The following CTNNA2 variants were observed in gnomAD, a reference collection of about 807,000 sequenced individuals.
CTNNA2 encodes catenin alpha 2, also known as catenin alpha-2.
CTNNA2 carries 42 observed loss-of-function variants against 101.0 expected under a neutral mutation model. The observed-to-expected ratio is 0.42, with a 90% confidence interval of 0.32 to 0.54. CTNNA2 has a LOEUF of 0.54. CTNNA2 is among the 20% of genes least tolerant of loss of function. The probability of loss-of-function intolerance (pLI) is 0.14; values close to 1 mark genes in which losing one functional copy is unlikely to be tolerated. For synonymous variants in CTNNA2, 450 were observed against 456.4 expected, an observed-to-expected ratio of 0.99 and a Z score of 0.18; for missense variants, 871 against 1,223.1, an observed-to-expected ratio of 0.71 and a Z score of 4.29.
intron 2 of CTNNA2, among the ~76,000 whole-genome samples, chr2:79,674,935 T>G (rs1308196212): frequency 6.6e-6 from 1 of 152,242 alleles, no homozygotes; most frequent in Non-Finnish European, 1.5e-5. Context: ...GCATTTTGCT[T>G]ATGCTCTTTT....
At chr2:79,977,904 A>G (rs1690981175) in intron 7 of CTNNA2, among the ~76,000 whole-genome samples, 3 of 152,074 alleles carry the variant, frequency 2.0e-5, no homozygotes, top group Non-Finnish European at 1.5e-5. Context: ...GCCTTTACTG[A>G]GTACCTGTTG....
chr2:79,466,959 A>T (rs771037607), intron 4 of CTNNA2, among the ~76,000 whole-genome samples: 8 of 152,200 alleles, frequency 5.3e-5, no homozygotes, highest in Non-Finnish European at 1.2e-4. Context: ...AAATTCTAAA[A>T]ATCAGAGCGC....
chr2:80,204,194 C>T (rs912214857), intron 7 of CTNNA2, among the ~76,000 whole-genome samples: 1 of 152,222 alleles, frequency 6.6e-6, no homozygotes, highest in Non-Finnish European at 1.5e-5. Flanking sequence ...ATATTTTCCC[C>T]ATTCTCTTAG....
In CTNNA2 at chr2:79,286,321, G is replaced by T. The variant is rs953283831; in HGVS notation, c.-405-26388G>T. On this transcript the variant is annotated intron_variant, in intron 2 of 21. Coordinates refer to the CTNNA2 transcript ENST00000466387. Reference sequence around the variant, plus strand: ...ATGATGTTAGCTGGTTATTTTGCTCGTTAGTTCATGCGGTTTCTTCCTAGT... The same window carrying T: ...ATGATGTTAGCTGGTTATTTTGCTCTTTAGTTCATGCGGTTTCTTCCTAGT... 2.0e-5 allele frequency among the ~76,000 whole-genome samples: 3 copies of T among 152,114 alleles called. 1 individual carries two copies. The South Asian group carries it at 6.2e-4, about 32-fold the overall frequency.
chr2:79,528,818 T>C (rs897117539), intron 1 of CTNNA2, among the ~76,000 whole-genome samples: 7 of 152,262 alleles, frequency 4.6e-5, no homozygotes, highest in Admixed American at 4.6e-4. Flanking sequence ...TGAAAAGACA[T>C]TTCTTAATTG....
intron 4 of CTNNA2, among the ~76,000 whole-genome samples, chr2:79,379,029 T>C (rs1021110237): frequency 6.6e-6 from 1 of 152,146 alleles, no homozygotes; most frequent in African/African-American, 2.4e-5. Flanking sequence ...GTTGCCTCAC[T>C]CTGTAAGCAT....
intron 1 of CTNNA2, among the ~76,000 whole-genome samples, chr2:79,553,355 C>T (rs1343064983): frequency 6.6e-6 from 1 of 152,190 alleles, no homozygotes; most frequent in Non-Finnish European, 1.5e-5. Context: ...GCCTGCCAAA[C>T]TGTTCCAACC....
intron 3 of CTNNA2, among the ~76,000 whole-genome samples, chr2:79,315,456 A>G (rs1676474439): frequency 6.6e-6 from 1 of 152,144 alleles, no homozygotes; most frequent in African/African-American, 2.4e-5. Context: ...GTCTGTTCCT[A>G]TGCATTTGCC....
intron 13 of CTNNA2, among the ~76,000 whole-genome samples, chr2:80,575,464 G>T (rs1273679099): frequency 6.6e-6 from 1 of 152,004 alleles, no homozygotes; most frequent in African/African-American, 2.4e-5. Flanking sequence ...GGAGAGAGAT[G>T]CCTAGAAATA....
At chr2:80,070,655 T>C (rs913202165) in intron 7 of CTNNA2, among the ~76,000 whole-genome samples, 7 of 150,768 alleles carry the variant, frequency 4.6e-5, no homozygotes, top group African/African-American at 1.7e-4. Flanking sequence ...AGGTCGAGGC[T>C]GCAGTGAGCC....
chr2:80,365,416 G>A (rs1278975510), intron 7 of CTNNA2, among the ~76,000 whole-genome samples: 1 of 151,990 alleles, frequency 6.6e-6, no homozygotes, highest in Non-Finnish European at 1.5e-5. Context: ...TCTTGTTTTT[G>A]TCATATCTGG....
chr2:80,583,445 C>T (rs1177943979), intron 14 of CTNNA2, among the ~76,000 whole-genome samples: 3 of 152,278 alleles, frequency 2.0e-5, no homozygotes, highest in Middle Eastern at 3.4e-3. Flanking sequence ...GTTGGCAAAA[C>T]GTCAGATGAA....
At chr2:79,862,644 C>G (rs1286426074) in intron 4 of CTNNA2, among the ~76,000 whole-genome samples, 1 of 152,074 alleles carries the variant, frequency 6.6e-6, no homozygotes, top group Admixed American at 6.5e-5. Context: ...CACTTAAGAA[C>G]TATTTATTAG....
intron 7 of CTNNA2, among the ~76,000 whole-genome samples, chr2:80,253,455 C>T (rs1046596501): frequency 5.3e-5 from 8 of 152,100 alleles, no homozygotes; most frequent in Non-Finnish European, 8.8e-5. Context: ...TGTGGTGGAG[C>T]CTCGACTCTC....
chr2:79,416,150 T>C (rs13384184), intron 4 of CTNNA2, among the ~76,000 whole-genome samples: 103,338 of 151,724 alleles, frequency 0.68, 35,593 homozygotes, highest in African/African-American at 0.79. Flanking sequence ...CCTTCCTCAA[T>C]GTACTGACTT....
intron 7 of CTNNA2, among the ~76,000 whole-genome samples, chr2:80,350,898 G>C (rs182571): frequency 0.084 from 12,819 of 152,050 alleles, 692 homozygotes; most frequent in South Asian, 0.22. Context: ...TCAAAATGGG[G>C]GACTTTAGTA....
intron 3 of CTNNA2, among the ~76,000 whole-genome samples, chr2:79,776,276 T>A (rs976224427): frequency 5.9e-5 from 9 of 152,148 alleles, no homozygotes; most frequent in South Asian, 2.1e-4. Context: ...AATTTTTTTT[T>A]AAATAAATAA....
At chr2:79,517,241 ATGAAT>A (rs1364575249) in intron 1 of CTNNA2, among the ~76,000 whole-genome samples, 5 of 152,224 alleles carry the variant, frequency 3.3e-5, no homozygotes, top group African/African-American at 1.2e-4. Context: ...CATAAGTGAT[ATGAAT>A]TGAATTCTTT....
intron 9 of CTNNA2, among the ~76,000 whole-genome samples, chr2:80,436,556 C>T (rs954332840): frequency 1.3e-5 from 2 of 151,970 alleles, no homozygotes; most frequent in African/African-American, 4.8e-5. Context: ...TGTTTGTGAC[C>T]CTCTGTTTTG....
Sources: allele counts gnomAD v4.1 joint callset (sites outside exome capture counted in the v4.1 genomes callset), GRCh38; gene constraint gnomAD v4.1.1; transcripts MANE v1.5; gene names NCBI Gene and HGNC (gene_info 2026-07-23, HGNC 2026-07-21).